Variants in CTSC observed in about 807,000 individuals in gnomAD.
CTSC encodes dipeptidyl peptidase 1.
In CTSC, 37 loss-of-function variants were observed where a neutral mutation model predicts 40.9. That is an observed-to-expected ratio of 0.91 (90% confidence interval 0.70 to 1.19). CTSC has a LOEUF of 1.19. Among genes scored for constraint, CTSC ranks in the 50% most tolerant of loss-of-function variants. The pLI is 0.00. For missense variants in CTSC, 594 were observed against 567.3 expected, an observed-to-expected ratio of 1.05 and a Z score of -0.48; for synonymous variants, 232 against 207.4, an observed-to-expected ratio of 1.12 and a Z score of -1.02.
intron 2 of CTSC, chr11:88,323,223 CT>C (rs1400618267): frequency 6.6e-6 from 1 of 152,178 alleles, no homozygotes; most frequent in Non-Finnish European, 1.5e-5. Context: ...TTCAACATCG[CT>C]TCATGTTAAA....
intron 5 of CTSC, 76 bp downstream of exon 5, chr11:88,300,453 GA>G: frequency 1.1e-6 from 1 of 897,278 alleles, no homozygotes; most frequent in South Asian, 1.3e-5. Flanking sequence ...AGGTATCCCC[GA>G]AATCCATCAC....
At chr11:88,308,313 C>T (rs1482791892) in intron 4 of CTSC, among the ~76,000 whole-genome samples, 1 of 151,798 alleles carries the variant, frequency 6.6e-6, no homozygotes, top group Admixed American at 6.6e-5. Context: ...GAACCTGAGT[C>T]CAGCTAAGGC....
intron 2 of CTSC, chr11:88,326,102 T>C: frequency 7.8e-7 from 1 of 1,281,286 alleles, no homozygotes; most frequent in Non-Finnish European, 9.9e-7. Context: ...ATATTGTTCC[T>C]TTTATTAAAA....
chr11:88,327,397 G>A (rs1938221933), intron 2 of CTSC, among the ~76,000 whole-genome samples: 2 of 151,962 alleles, frequency 1.3e-5, no homozygotes, highest in African/African-American at 4.8e-5. Flanking sequence ...AAGGAAAAGG[G>A]GAAAGAATAT....
In CTSC at chr11:88,328,330, C is replaced by A. The variant is rs1345923716; in HGVS notation, c.318+6607G>T. 5.7e-6 allele frequency: 4 copies of A among 696,244 alleles called. No individual in the cohort carries two copies. In the East Asian group the frequency reaches 8.2e-5, roughly 14 times the overall value. 43.1% of individuals were successfully genotyped at this position (696,244 alleles called of 1,614,324 possible). ...CTTTTCCTCCACTGAAATACTCTTA[C>A]AAGTAAACCCAAAGTTGTTTAAAAC... On this transcript the variant is annotated intron_variant, in intron 2 of 6. Coordinates refer to ENST00000227266, the MANE Select transcript of CTSC (RefSeq NM_001814.6).
At chr11:88,304,640 A>C (rs1023589009) in intron 4 of CTSC, among the ~76,000 whole-genome samples, 2 of 152,152 alleles carry the variant, frequency 1.3e-5, no homozygotes, top group African/African-American at 2.4e-5. Flanking sequence ...TCATAGAATG[A>C]GATAGGAGGT....
At chr11:88,317,561 C>T (rs1010524553) in intron 2 of CTSC, among the ~76,000 whole-genome samples, 4 of 152,180 alleles carry the variant, frequency 2.6e-5, no homozygotes, top group African/African-American at 7.2e-5. Flanking sequence ...AAGCCAAGTA[C>T]GCAGTACCTT....
chr11:88,331,517 C>A (rs748815703), intron 2 of CTSC, among the ~76,000 whole-genome samples: 5 of 152,194 alleles, frequency 3.3e-5, no homozygotes, highest in Admixed American at 1.3e-4. Context: ...TCTGTCCCTG[C>A]GGAGTTAGGG....
intron 1 of CTSC, among the ~76,000 whole-genome samples, chr11:88,335,294 T>C (rs1938465563): frequency 6.6e-6 from 1 of 151,892 alleles, no homozygotes; most frequent in South Asian, 2.1e-4. Flanking sequence ...CTCTAAAAAT[T>C]TGAGATAATG....
chr11:88,331,591 G>A (rs554429161), intron 2 of CTSC, among the ~76,000 whole-genome samples: 2 of 152,226 alleles, frequency 1.3e-5, no homozygotes, highest in African/African-American at 2.4e-5. Flanking sequence ...CATGTTTAGC[G>A]CTTCAGAATT....
chr11:88,312,557 G>T lies in CTSC; in HGVS notation c.319-3C>A. On this transcript the variant is annotated splice_region_variant and splice_polypyrimidine_tract_variant and intron_variant, in intron 2 of 6. Transcript: ENST00000227266. ...ACCTTGCTGCCCTCTTCTTTATACT[G>T]CAAACAAATAAGAGAAAAGAAAACC... 1.2e-6 allele frequency: 2 copies of T among 1,613,812 alleles called. No homozygotes were observed. The highest frequency in any genetic ancestry group is 1.7e-6 in the Non-Finnish European group (2 of 1,179,936).
chr11:88,320,041 A>T (rs766277936), intron 2 of CTSC, among the ~76,000 whole-genome samples: 5 of 152,228 alleles, frequency 3.3e-5, no homozygotes, highest in Admixed American at 3.3e-4. Flanking sequence ...TCAGAGTGTC[A>T]CATCTTTCCT....
chr11:88,300,711 C>T, intron 4 of CTSC, 66 bp from the exon 5 acceptor site: 1 of 1,016,108 alleles, frequency 9.8e-7, no homozygotes, highest in African/African-American at 1.6e-5. Context: ...TTCCTAAACT[C>T]TACTATAATT....
chr11:88,322,277 T>G (rs1591236503), intron 2 of CTSC: 1 of 152,322 alleles, frequency 6.6e-6, no homozygotes, highest in South Asian at 2.1e-4. Flanking sequence ...ATTTTTGCTT[T>G]TGTTGTAATT....
At chr11:88,325,019 A>T (rs1284475038) in intron 2 of CTSC, 11 of 985,196 alleles carry the variant, frequency 1.1e-5, no homozygotes, top group Non-Finnish European at 1.3e-5. Flanking sequence ...GCAGAAATGC[A>T]AGAGAGGAAA....
At chr11:88,302,621 G>A (rs1450432183) in intron 4 of CTSC, among the ~76,000 whole-genome samples, 3 of 54,736 alleles carry the variant, frequency 5.5e-5, no homozygotes, top group African/African-American at 8.9e-5. Context: ...GCAAGACTCC[G>A]CCTCAAAAAA....
intron 5 of CTSC, 161 bp from the exon 6 acceptor site, chr11:88,296,425 C>CT: frequency 2.6e-6 from 2 of 782,292 alleles, no homozygotes; most frequent in Non-Finnish European, 4.1e-6. Flanking sequence ...CATTGTTGAG[C>CT]TTATTAAGGC....
At chr11:88,325,362 G>A in intron 2 of CTSC, 1 of 985,374 alleles carries the variant, frequency 1.0e-6, no homozygotes, top group Non-Finnish European at 1.2e-6. Context: ...TAAGCTTCAA[G>A]GCAGTTCTTC....
intron 4 of CTSC, among the ~76,000 whole-genome samples, chr11:88,302,106 G>A (rs768159278): frequency 1.6e-4 from 25 of 152,254 alleles, no homozygotes; most frequent in South Asian, 8.3e-4. Context: ...TAGTCACAAT[G>A]TGGTAAAAAT....
Sources: gnomAD v4.1 joint callset for allele counts (sites outside exome capture counted in the v4.1 genomes callset) on GRCh38, gnomAD v4.1.1 for gene constraint, MANE v1.5 for transcripts, NCBI Gene and HGNC (gene_info 2026-07-23, HGNC 2026-07-21) for gene names.